The following DNAJC14 variants were observed in gnomAD, a reference collection of about 807,000 sequenced individuals.
The protein encoded by DNAJC14 is DnaJ heat shock protein family (Hsp40) member C14, also known as dnaJ homolog subfamily C member 14.
Under a neutral mutation model 68.8 loss-of-function variants are expected in DNAJC14, and 12 were observed. The ratio of observed to expected loss-of-function variants is 0.17; its 90% confidence interval spans 0.11 to 0.28. The LOEUF is 0.28. DNAJC14 is among the 10% of genes least tolerant of loss of function. DNAJC14 has a pLI of 1.00. For missense variants in DNAJC14, 764 were observed against 875.6 expected, an observed-to-expected ratio of 0.87 and a Z score of 1.61; for synonymous variants, 350 against 321.5, an observed-to-expected ratio of 1.09 and a Z score of -0.95.
chr12:55,828,758 G>C, intron 1 of DNAJC14, 44 bp from the exon 2 acceptor site: 1 of 1,447,544 alleles, frequency 6.9e-7, no homozygotes, highest in South Asian at 1.5e-5. Context: ...ATGAGACCAA[G>C]AGAGGAATTA....
At chr12:55,830,628 G>C (rs1321143626), upstream of DNAJC14, 1 of 152,410 alleles carries the variant, frequency 6.6e-6, no homozygotes, top group Non-Finnish European at 1.5e-5. Flanking sequence ...GAGAGCTTCC[G>C]GTTGTCATCT....
At position 55,827,579 on chromosome 12, in the gene DNAJC14, A is replaced by T. The variant is rs1880830872; in HGVS notation, c.1080T>A (p.Asp360Glu). The T allele has an allele frequency of 6.2e-7, 1 of 1,606,714 alleles. No individual in the cohort carries two copies. Among genetic ancestry groups the T allele is most frequent in the Admixed American group, 1.7e-5 (1 of 59,766 alleles). ...VGLGDRLGWR[D>E]KATWLFSWLD... Reference sequence around the variant, plus strand: ...GCCAAGAGAAGAGCCAGGTAGCCTTATCCCTCCAGCCTAACCGGTCACCTA... The same window carrying T: ...GCCAAGAGAAGAGCCAGGTAGCCTTTTCCCTCCAGCCTAACCGGTCACCTA... The change falls in exon 2 of 7, where the codon GAT becomes GAA. Residue 360 changes from aspartate to glutamate, a missense_variant. Asp to Glu is a conservative substitution (Grantham distance 45). This residue lies in a region of DNAJC14 where 514 missense variants were observed against 521.7 expected (regional missense o/e 0.99). Coordinates refer to ENST00000678005, the MANE Select transcript of DNAJC14 (RefSeq NM_032364.6).
At chr12:55,830,658 T>G (rs2136224213), upstream of DNAJC14, 1 of 152,672 alleles carries the variant, frequency 6.5e-6, no homozygotes, top group South Asian at 2.1e-4. Context: ...TCGGAGACCC[T>G]TCTCCAAAAC....
intron 1 of DNAJC14, 112 bp from the exon 2 acceptor site, chr12:55,828,826 C>T (rs1880880759): frequency 7.6e-7 from 1 of 1,307,396 alleles, no homozygotes; most frequent in East Asian, 2.6e-5. Flanking sequence ...TTCCCAAGTT[C>T]TTTTGGGGCA....
rs1465739474 is a variant in DNAJC14, at chr12:55,827,390, C to A, written c.1269G>T (p.Gln423His). The A allele has an allele frequency of 1.2e-6, 2 of 1,613,776 alleles. No individual in the cohort carries two copies. The highest frequency in any genetic ancestry group is 8.5e-7 in the Non-Finnish European group (1 of 1,179,872). ...AGAGTCGAGCCACTTCCTCTTCAGGCTGGCAGTAGCGCCCACTAGCTACAG... is the reference window on the plus strand; with the variant it reads ...AGAGTCGAGCCACTTCCTCTTCAGGATGGCAGTAGCGCCCACTAGCTACAG... ...NAPVASGRYC[Q>H]PEEEVARLLT... The change falls in exon 2 of 7, where the codon CAG becomes CAT. Residue 423 changes from glutamine (Q) to histidine (H), a missense_variant. By Grantham distance (24) the Gln-to-His change is conservative. Coordinates refer to ENST00000678005, the MANE Select transcript of DNAJC14 (RefSeq NM_032364.6).
chr12:55,826,396 G>A (rs143791725), intron 2 of DNAJC14, among the ~76,000 whole-genome samples: 5,510 of 140,896 alleles, frequency 0.039, 139 homozygotes, highest in Non-Finnish European at 0.059. Flanking sequence ...TCAGCCTCCC[G>A]AGTAGCTGGG....
chr12:55,830,338 G>C (rs1229329232), upstream of DNAJC14: 1 of 152,454 alleles, frequency 6.6e-6, no homozygotes, highest in Middle Eastern at 3.4e-3. Flanking sequence ...CAAGCTATTT[G>C]GTGGACGTCC....
At chr12:55,822,332 A>G (rs1426181292) in intron 6 of DNAJC14, 41 bp downstream of exon 6, 2 of 1,594,716 alleles carry the variant, frequency 1.3e-6, no homozygotes, top group Non-Finnish European at 1.7e-6. Flanking sequence ...CGTATTCAAA[A>G]CTGAAATAGT....
chr12:55,827,473 A>G lies in DNAJC14; in HGVS notation c.1186T>C (p.Trp396Arg). 2 of 1,604,070 alleles carry G rather than the reference A, an allele frequency of 1.2e-6. No individual in the cohort carries two copies. The highest frequency in any genetic ancestry group is 1.1e-5 in the South Asian group (1 of 90,752). ...ACCCAAGGCAACTCCAGCCAGCCCCACTGAACTATTCTTACCAGCCGCTGC... is the reference window on the plus strand; with the variant it reads ...ACCCAAGGCAACTCCAGCCAGCCCCGCTGAACTATTCTTACCAGCCGCTGC... ...PWQRLVRIVQ[W>R]GWLELPWVKQ... Residue 396 changes from tryptophan to arginine, a missense_variant, in exon 2 of 7, where the codon TGG becomes CGG. Around this residue, in one of 4 missense-constraint regions of DNAJC14, gnomAD observed 514 missense variants for 521.7 expected, o/e 0.99. Coordinates refer to ENST00000678005, the MANE Select transcript of DNAJC14 (RefSeq NM_032364.6).
chr12:55,827,649 A>T lies in DNAJC14; in HGVS notation c.1010T>A (p.Leu337His). ...LGALLLLALA[L>H]FLGFLQLGWR... ...TCCCAACTGTAGAAAGCCCAAAAAG[A>T]GGGCCAGAGCCAGGAGCAGCAAAGC... is the stretch of plus-strand genomic sequence containing the variant. The change falls in exon 2 of 7, where the codon CTC becomes CAC. Residue 337 changes from leucine to histidine, a missense_variant. Coordinates refer to ENST00000678005, the MANE Select transcript of DNAJC14 (RefSeq NM_032364.6). 3.1e-6 allele frequency: 5 copies of T among 1,612,736 alleles called. No homozygotes were observed. The highest frequency in any genetic ancestry group is 4.2e-6 in the Non-Finnish European group (5 of 1,179,370).
chr12:55,828,239 C>G lies in DNAJC14; in HGVS notation c.420G>C (p.Gly140=). 6.2e-7 allele frequency: 1 copy of G among 1,607,700 alleles called. No homozygotes were observed. Among genetic ancestry groups the G allele is most frequent in the Non-Finnish European group, 8.5e-7 (1 of 1,176,962 alleles). ...NCQGTPGIPE[G]PYSEGGNGSS... Reference sequence around the variant, plus strand: ...AACCATTTCCTCCCTCAGAGTAAGGCCCTTCTGGAATTCCAGGTGTTCCCT... The same window carrying G: ...AACCATTTCCTCCCTCAGAGTAAGGGCCTTCTGGAATTCCAGGTGTTCCCT... The change falls in exon 2 of 7, where the codon GGG becomes GGC. Residue 140 remains glycine, a synonymous_variant. Transcript: ENST00000678005.
intron 3 of DNAJC14, 56 bp downstream of exon 3, chr12:55,823,346 T>C: frequency 6.2e-7 from 1 of 1,603,704 alleles, no homozygotes; most frequent in East Asian, 2.2e-5. Context: ...CAGATGCCTC[T>C]GCTATTGAGG....
chr12:55,824,989 A>G (rs1880755625), intron 2 of DNAJC14, among the ~76,000 whole-genome samples: 1 of 152,012 alleles, frequency 6.6e-6, no homozygotes, highest in Non-Finnish European at 1.5e-5. Context: ...AAAATTAGCC[A>G]GGTGTGGTGA....
At chr12:55,823,885 G>C (rs528406835) in intron 2 of DNAJC14, among the ~76,000 whole-genome samples, 3 of 149,530 alleles carry the variant, frequency 2.0e-5, no homozygotes, top group African/African-American at 7.4e-5. Flanking sequence ...TGTATTTTTA[G>C]TGGAGACGGG....
intron 2 of DNAJC14, among the ~76,000 whole-genome samples, chr12:55,826,541 C>T (rs1201325847): frequency 6.6e-6 from 1 of 152,106 alleles, no homozygotes; most frequent in Non-Finnish European, 1.5e-5. Flanking sequence ...GTGGCTCCTG[C>T]CTGTAATCCC....
intron 2 of DNAJC14, among the ~76,000 whole-genome samples, chr12:55,825,012 G>A (rs1261918729): frequency 6.6e-6 from 1 of 151,354 alleles, no homozygotes; most frequent in East Asian, 1.9e-4. Flanking sequence ...CACGCCTGTA[G>A]TTCCAGCTAC....
chr12:55,829,761 AT>A, upstream of DNAJC14: 1 of 261,268 alleles, frequency 3.8e-6, no homozygotes, highest in Non-Finnish European at 6.0e-6. Context: ...TGGCCCCGCC[AT>A]TTAAAGGCCC....
Position 55,828,270 on chromosome 12 carries a change from T to A in DNAJC14, c.389A>T (p.Asn130Ile). 6.2e-7 allele frequency: 1 copy of A among 1,605,998 alleles called. No homozygotes were observed. The highest frequency in any genetic ancestry group is 8.5e-7 in the Non-Finnish European group (1 of 1,176,834). The change falls in exon 2 of 7, where the codon AAC becomes ATC. Residue 130 changes from asparagine to isoleucine, a missense_variant. Transcript: ENST00000678005. ...NSFLSIPSAC[N>I]CQGTPGIPEG... ...TGGAATTCCAGGTGTTCCCTGGCAG[T>A]TGCAAGCAGATGGAATGGAAAGAAA...
chr12:55,822,031 C>G lies in DNAJC14; in HGVS notation c.2055G>C (p.Lys685Asn). The change falls in exon 7 of 7, where the codon AAG becomes AAC. Residue 685 changes from lysine to asparagine, a missense_variant. This residue lies in a region of DNAJC14 where 134 missense variants were observed against 162.3 expected (regional missense o/e 0.83). Transcript: ENST00000678005. Reference sequence around the variant, plus strand: ...TCCGCCGCTTAGGTTTGGCTTCTCCCTTGGGTACTGTGCTGTTGGGCTTAG... The same window carrying G: ...TCCGCCGCTTAGGTTTGGCTTCTCCGTTGGGTACTGTGCTGTTGGGCTTAG... ...AASKPNSTVPKGEAKPKRRKK... is the reference protein window; with the variant it reads ...AASKPNSTVPNGEAKPKRRKK... The G allele has an allele frequency of 6.2e-7, 1 of 1,614,006 alleles. No individual in the cohort carries two copies. The highest frequency in any genetic ancestry group is 8.5e-7 in the Non-Finnish European group (1 of 1,179,962).
Sources: allele counts gnomAD v4.1 joint callset (sites outside exome capture counted in the v4.1 genomes callset), GRCh38; gene constraint gnomAD v4.1.1; regional missense constraint gnomAD v4.1.1; transcripts MANE v1.5; gene names NCBI Gene and HGNC (gene_info 2026-07-23, HGNC 2026-07-21).